ZNF365: variants seen among roughly 807,000 people sequenced by gnomAD.
ZNF365 encodes protein ZNF365.
A neutral mutation model predicts 35.0 loss-of-function variants in ZNF365; 22 were observed. The observed-to-expected ratio is 0.63, with a 90% CI of 0.45 to 0.90. The LOEUF (loss-of-function observed/expected upper bound fraction) is 0.90. Ranked by LOEUF, ZNF365 falls within the 40% of genes least tolerant of loss-of-function variation. The probability of loss-of-function intolerance (pLI) is 0.00; values close to 1 mark genes in which losing one functional copy is unlikely to be tolerated. For missense variants in ZNF365, 448 were observed against 500.3 expected (o/e 0.90, Z 1.00); for synonymous variants, 188 against 196.2 (o/e 0.96, Z 0.35).
intron 4 of ZNF365, among the ~76,000 whole-genome samples, chr10:62,469,494 TACC>T (rs1286714905): frequency 1.3e-5 from 2 of 152,212 alleles, no homozygotes; most frequent in Admixed American, 1.3e-4. Context: ...GAATGGCTGG[TACC>T]ATGACTTACA....
intron 4 of ZNF365, among the ~76,000 whole-genome samples, chr10:62,465,344 G>C (rs776918913): frequency 6.6e-6 from 1 of 152,180 alleles, no homozygotes; most frequent in Non-Finnish European, 1.5e-5. Context: ...AGGCCTGCAG[G>C]TGCCCTTTGA....
intron 4 of ZNF365, among the ~76,000 whole-genome samples, chr10:62,461,005 G>A (rs1840838489): frequency 1.3e-5 from 2 of 152,190 alleles, no homozygotes; most frequent in Non-Finnish European, 2.9e-5. Flanking sequence ...AATTCATGCT[G>A]TTGTCTGCAG....
intron 4 of ZNF365, among the ~76,000 whole-genome samples, chr10:62,467,476 A>G (rs1840962844): frequency 6.6e-6 from 1 of 152,234 alleles, no homozygotes; most frequent in African/African-American, 2.4e-5. Context: ...GAGAGAAACA[A>G]TCTGTTAGAC....
chr10:62,471,890 T>A (rs1159945286), intron 4 of ZNF365, among the ~76,000 whole-genome samples: 1 of 152,234 alleles, frequency 6.6e-6, no homozygotes, highest in African/African-American at 2.4e-5. Flanking sequence ...TAAAGTAAAA[T>A]TCTAAAAATT....
intron 2 of ZNF365, 107 bp from the exon 3 acceptor site, chr10:62,388,289 C>A: frequency 8.2e-7 from 1 of 1,216,124 alleles, no homozygotes; most frequent in Non-Finnish European, 1.2e-6. Context: ...TGGAGTACTG[C>A]CTAGGGTGTT....
At chr10:62,447,039 T>C (rs1840601401) in intron 3 of ZNF365, among the ~76,000 whole-genome samples, 1 of 152,194 alleles carries the variant, frequency 6.6e-6, no homozygotes, top group African/African-American at 2.4e-5. Flanking sequence ...TGCAAATGTG[T>C]TTTGAATTTT....
At chr10:62,453,729 A>T (rs1270033134) in intron 3 of ZNF365, among the ~76,000 whole-genome samples, 1 of 152,188 alleles carries the variant, frequency 6.6e-6, no homozygotes. Flanking sequence ...AAGAAATTCT[A>T]CTTCTATAGA....
downstream of ZNF365, among the ~76,000 whole-genome samples, chr10:62,403,256 GATC>G (rs1392265008): frequency 6.6e-6 from 1 of 152,206 alleles, no homozygotes; most frequent in Non-Finnish European, 1.5e-5. Flanking sequence ...AGTGGAAGTG[GATC>G]ATCATAGAGG....
chr10:62,443,930 C>T (rs1436223543), intron 3 of ZNF365, among the ~76,000 whole-genome samples: 1 of 152,164 alleles, frequency 6.6e-6, no homozygotes, highest in East Asian at 1.9e-4. Context: ...TGAACTTTTG[C>T]CCCCATGGAG....
intron 2 of ZNF365, among the ~76,000 whole-genome samples, chr10:62,377,445 G>A (rs1412763853): frequency 6.6e-6 from 1 of 152,172 alleles, no homozygotes; most frequent in East Asian, 1.9e-4. Context: ...TAGTAGCTGA[G>A]AATCCATTTA....
Position 62,473,878 on chromosome 10 carries a change from G to T in ZNF365, c.982-5998G>T, listed in dbSNP as rs961430403. 5.3e-5 allele frequency among the ~76,000 whole-genome samples: 8 copies of T among 152,176 alleles called. No individual in the cohort carries two copies. The East Asian group carries it at 1.5e-3, about 29-fold the overall frequency. ...ATCAGGGTCGGTAATTCAGTGGCTG[G>T]TTGACAGCACCAAGGATGAAGGTTC... is the stretch of plus-strand genomic sequence containing the variant. On this transcript the variant is annotated intron_variant, in intron 4 of 4. Transcript: ENST00000395255.
chr10:62,377,506 C>G (rs1335396539), intron 2 of ZNF365, among the ~76,000 whole-genome samples: 1 of 152,104 alleles, frequency 6.6e-6, no homozygotes, highest in Non-Finnish European at 1.5e-5. Context: ...AGAGGAAAGA[C>G]TTTCTGATAT....
chr10:62,441,069 T>A (rs57449947), intron 3 of ZNF365, among the ~76,000 whole-genome samples: 19,639 of 152,244 alleles, frequency 0.13, 1,562 homozygotes, highest in Middle Eastern at 0.21. Context: ...TTATGAGTAT[T>A]CTTTGTGCTT....
rs191280896 is a variant in ZNF365 at position 62,393,168 on chromosome 10, G to C, written c.924+4592G>C. On this transcript the variant is annotated intron_variant, in intron 3 of 4. Transcript: ENST00000395254. ...CGCGTACTGAGCTGTCATCTCCTAT[G>C]GTCACAACACCTTCTTTTGGAATAC... 4.6e-4 allele frequency among the ~76,000 whole-genome samples: 70 copies of C among 152,042 alleles called. 1 individual carries two copies. Among genetic ancestry groups the C allele is most frequent in the Non-Finnish European group, 6.2e-4 (42 of 67,990 alleles).
chr10:62,418,757 C>G (rs1474076005), intron 3 of ZNF365, among the ~76,000 whole-genome samples: 1 of 152,052 alleles, frequency 6.6e-6, no homozygotes, highest in African/African-American at 2.4e-5. Flanking sequence ...TCTTCTCTCC[C>G]TAGTATAAAA....
intron 3 of ZNF365, among the ~76,000 whole-genome samples, chr10:62,391,958 T>G (rs1839638247): frequency 6.6e-6 from 1 of 152,208 alleles, no homozygotes; most frequent in South Asian, 2.1e-4. Context: ...AGGAGCAAGG[T>G]GGTATCACAT....
intron 3 of ZNF365, among the ~76,000 whole-genome samples, chr10:62,454,072 A>G: frequency 6.6e-6 from 1 of 152,158 alleles, no homozygotes; most frequent in South Asian, 2.1e-4. Flanking sequence ...TTTTAAACGT[A>G]TACCTTGCTG....
rs543107434 is a variant in ZNF365 at position 62,442,987 on chromosome 10, G to A, written c.925-16754G>A. 3.3e-5 allele frequency among the ~76,000 whole-genome samples: 5 copies of A among 152,258 alleles called. No individual in the cohort carries two copies. In the South Asian group the frequency reaches 1.0e-3, roughly 32 times the overall value. ...AGAAACAGAACAGATTCAATTGTCC[G>A]TCGCATACAGGGATGCACTCAACAG... On this transcript the variant is annotated intron_variant, in intron 3 of 4. Coordinates refer to the ZNF365 transcript ENST00000395255.
downstream of ZNF365, among the ~76,000 whole-genome samples, chr10:62,405,348 C>T (rs368330194): frequency 1.3e-5 from 2 of 152,276 alleles, no homozygotes; most frequent in Non-Finnish European, 1.5e-5. Context: ...AAGAAGGTGA[C>T]ATCATCACAT....
Sources: allele counts gnomAD v4.1 joint callset (sites outside exome capture counted in the v4.1 genomes callset), GRCh38; gene constraint gnomAD v4.1.1; transcripts MANE v1.5; gene names NCBI Gene and HGNC (gene_info 2026-07-23, HGNC 2026-07-21).